Variants in HMBOX1 observed in about 807,000 individuals in gnomAD.
HMBOX1 encodes the protein homeobox-containing protein 1.
Under a neutral mutation model 54.5 loss-of-function variants are expected in HMBOX1, and 14 were observed. The ratio of observed to expected loss-of-function variants is 0.26; its 90% CI spans 0.17 to 0.40. The LOEUF is 0.40. Among genes scored for constraint, HMBOX1 ranks in the 10% least tolerant of loss-of-function variants. The probability of loss-of-function intolerance (pLI) is 1.00; values close to 1 mark genes in which losing one functional copy is unlikely to be tolerated. For missense variants in HMBOX1, 332 were observed against 514.4 expected, an observed-to-expected ratio of 0.65 and a Z score of 3.43; for synonymous variants, 160 against 181.0, an observed-to-expected ratio of 0.88 and a Z score of 0.93.
intron 4 of HMBOX1, among the ~76,000 whole-genome samples, chr8:28,995,279 T>G (rs772589242): frequency 1.3e-5 from 2 of 152,214 alleles, no homozygotes; most frequent in Non-Finnish European, 2.9e-5. Flanking sequence ...TATAAACTTT[T>G]GTGTCGGGCT....
chr8:28,918,981 A>G (rs1283698060), intron 1 of HMBOX1, among the ~76,000 whole-genome samples: 1 of 152,240 alleles, frequency 6.6e-6, no homozygotes, highest in Non-Finnish European at 1.5e-5. Flanking sequence ...TATCAATTCT[A>G]AATAGAAAAA....
chr8:29,041,385 C>G (rs894819525), intron 6 of HMBOX1, among the ~76,000 whole-genome samples: 8 of 152,140 alleles, frequency 5.3e-5, no homozygotes, highest in Admixed American at 6.5e-5. Flanking sequence ...AGATCCATTT[C>G]TTTTGGAGGC....
chr8:28,959,122 T>C (rs551832237), intron 1 of HMBOX1, among the ~76,000 whole-genome samples: 1 of 152,328 alleles, frequency 6.6e-6, no homozygotes, highest in African/African-American at 2.4e-5. Context: ...TAGATCTTAG[T>C]AATCTCAGCA....
intron 1 of HMBOX1, among the ~76,000 whole-genome samples, chr8:28,958,476 T>A (rs1824873446): frequency 1.3e-5 from 2 of 152,190 alleles, no homozygotes; most frequent in African/African-American, 2.4e-5. Context: ...TTTATTCGTT[T>A]GATTTATTGT....
In HMBOX1 at chr8:28,904,381, C is replaced by T. The variant is rs1202709528; in HGVS notation, c.-58+13703C>T. 2.0e-5 allele frequency among the ~76,000 whole-genome samples: 3 copies of T among 151,360 alleles called. No homozygotes were observed. In the East Asian group the frequency reaches 5.9e-4, roughly 30 times the overall value. On this transcript the variant is annotated intron_variant, in intron 1 of 9. Coordinates refer to ENST00000287701, the MANE Select transcript of HMBOX1 (RefSeq NM_001135726.3). ...TCCTGCCTCAGCCTCCACAGGTGTG[C>T]GCCACCATGCCCAGCCGATTTTTGT... is the stretch of plus-strand genomic sequence containing the variant.
intron 4 of HMBOX1, among the ~76,000 whole-genome samples, chr8:29,008,559 CA>C (rs373308088): frequency 1.5e-4 from 23 of 149,414 alleles, no homozygotes; most frequent in Admixed American, 8.0e-4. Flanking sequence ...ACAAATAAGC[CA>C]AAAAAAAACC....
intron 1 of HMBOX1, chr8:28,915,786 G>A (rs1816433526): frequency 6.6e-6 from 1 of 151,884 alleles, no homozygotes; most frequent in Admixed American, 6.6e-5. Flanking sequence ...CTATAGCACA[G>A]AACTCCTGGG....
intron 1 of HMBOX1, among the ~76,000 whole-genome samples, chr8:28,901,177 C>T: frequency 6.6e-6 from 1 of 150,744 alleles, no homozygotes; most frequent in African/African-American, 2.4e-5. Context: ...CTAGGTAATA[C>T]TCCCCTCCTT....
intron 4 of HMBOX1, among the ~76,000 whole-genome samples, chr8:28,990,647 G>T (rs983437170): frequency 1.3e-5 from 2 of 151,648 alleles, no homozygotes; most frequent in African/African-American, 4.8e-5. Flanking sequence ...TTTGTTTTTT[G>T]TTTGTTTGTT....
At chr8:28,983,776 C>T (rs933638022) in intron 4 of HMBOX1, among the ~76,000 whole-genome samples, 18 of 152,170 alleles carry the variant, frequency 1.2e-4, no homozygotes, top group Non-Finnish European at 2.6e-4. Context: ...AATTCATTTG[C>T]TCAACAAATG....
chr8:29,008,030 T>C (rs894081245), intron 4 of HMBOX1, among the ~76,000 whole-genome samples: 1 of 152,182 alleles, frequency 6.6e-6, no homozygotes, highest in African/African-American at 2.4e-5. Context: ...ACTCTTCCTA[T>C]TGGGCATTAT....
intron 6 of HMBOX1, among the ~76,000 whole-genome samples, chr8:29,036,703 A>G (rs892167753): frequency 6.6e-6 from 1 of 152,216 alleles, no homozygotes; most frequent in African/African-American, 2.4e-5. Context: ...TTTTCATTAC[A>G]TATGTGAGAT....
intron 2 of HMBOX1, among the ~76,000 whole-genome samples, chr8:28,965,429 A>G (rs1206195168): frequency 6.6e-6 from 1 of 152,222 alleles, no homozygotes. Flanking sequence ...AGTAACATAG[A>G]CAGACTTCAC....
chr8:28,901,095 T>G (rs964682533), intron 1 of HMBOX1, among the ~76,000 whole-genome samples: 8 of 152,202 alleles, frequency 5.3e-5, no homozygotes, highest in African/African-American at 1.4e-4. Flanking sequence ...AGTATATGAT[T>G]CAACATTTGC....
intron 5 of HMBOX1, among the ~76,000 whole-genome samples, chr8:29,011,926 C>A (rs1235462590): frequency 6.6e-6 from 1 of 152,246 alleles, no homozygotes; most frequent in South Asian, 2.1e-4. Context: ...ATTTGTTTTT[C>A]AGTAAGATTG....
intron 5 of HMBOX1, among the ~76,000 whole-genome samples, chr8:29,015,905 A>G (rs1261332009): frequency 1.3e-5 from 2 of 152,212 alleles, no homozygotes; most frequent in Non-Finnish European, 2.9e-5. Flanking sequence ...ATAAAACTTT[A>G]TTTACAAAAA....
At chr8:28,908,670 G>T (rs188477055) in intron 1 of HMBOX1, among the ~76,000 whole-genome samples, 1 of 152,284 alleles carries the variant, frequency 6.6e-6, no homozygotes, top group Admixed American at 6.5e-5. Flanking sequence ...CAGTGGAATT[G>T]CCTGAACCTG....
At chr8:28,964,799 C>T (rs185481497) in intron 2 of HMBOX1, among the ~76,000 whole-genome samples, 2 of 149,816 alleles carry the variant, frequency 1.3e-5, no homozygotes, top group African/African-American at 4.9e-5. Context: ...AACTGTAGCC[C>T]GACTTTCTGC....
chr8:28,998,802 C>T (rs1049828161), intron 4 of HMBOX1, among the ~76,000 whole-genome samples: 13 of 151,782 alleles, frequency 8.6e-5, no homozygotes, highest in South Asian at 2.1e-4. Flanking sequence ...CTATATTTTT[C>T]GAGCTATTTT....
Sources: allele counts gnomAD v4.1 joint callset (sites outside exome capture counted in the v4.1 genomes callset), GRCh38; gene constraint gnomAD v4.1.1; transcripts MANE v1.5; gene names NCBI Gene and HGNC (gene_info 2026-07-23, HGNC 2026-07-21).